Variants in PATL2 observed in about 807,000 individuals in gnomAD.
PATL2 encodes the protein PAT1 homolog 2.
Under a neutral mutation model 77.0 loss-of-function variants are expected in PATL2, and 73 were observed. That is an observed-to-expected ratio of 0.95 (90% CI 0.78 to 1.15). The LOEUF (loss-of-function observed/expected upper bound fraction) is 1.15, where lower values mean the gene tolerates loss of function less well. Ranked by LOEUF, PATL2 falls within the 50% of genes most tolerant of loss-of-function variation. PATL2 has a pLI of 0.00. For synonymous variants in PATL2, 265 were observed against 257.1 expected (o/e 1.03, Z -0.29); for missense variants, 618 against 655.4 (o/e 0.94, Z 0.62).
At chr15:44,671,915 A>G (rs911620582) in intron 9 of PATL2, 100 bp downstream of exon 9, 21 of 1,422,410 alleles carry the variant, frequency 1.5e-5, no homozygotes, top group Non-Finnish European at 1.9e-5. Context: ...ACCTGAACAG[A>G]CATGACCTCT....
chr15:44,675,573 A>ATCCTCCTCGTCC lies in PATL2; in HGVS notation c.123_134dup (p.Glu41_Glu44dup). 6.4e-7 allele frequency: 1 copy of ATCCTCCTCGTCC among 1,551,794 alleles called. No individual in the cohort carries two copies. The highest frequency in any genetic ancestry group is 8.7e-7 in the Non-Finnish European group (1 of 1,147,004). ...GGTCTGGGTCCAGATCTGGGTCCAG[A>ATCCTCCTCGTCC]TCCTCCTCGTCCTCCTCCTCTTCCT... is the stretch of plus-strand genomic sequence containing the variant. On this transcript the variant is annotated inframe_insertion, in exon 5 of 18. Coordinates refer to ENST00000682850, the MANE Select transcript of PATL2 (RefSeq NM_001387263.1).
chr15:44,667,043 C>T, intron 16 of PATL2, 63 bp downstream of exon 16: 2 of 1,285,752 alleles, frequency 1.6e-6, no homozygotes, highest in South Asian at 2.6e-5. Context: ...AAATACTTCA[C>T]CTGGCTCAGT....
At chr15:44,697,759 G>A (rs1461903387) in intron 3 of PATL2, among the ~76,000 whole-genome samples, 1 of 152,140 alleles carries the variant, frequency 6.6e-6, no homozygotes, top group Non-Finnish European at 1.5e-5. Context: ...GAATCCACTA[G>A]ACCAAGATTT....
At chr15:44,693,754 G>A (rs1034554146) in intron 3 of PATL2, among the ~76,000 whole-genome samples, 23 of 151,506 alleles carry the variant, frequency 1.5e-4, no homozygotes, top group East Asian at 1.4e-3. Context: ...GTGCAATGGC[G>A]TGATCTTGGC....
In PATL2 at chr15:44,669,848, G is replaced by A; in HGVS notation, c.805C>T (p.Gln269Ter). Reference sequence around the variant, plus strand: ...CTGAAGCATGTCGACACAGCTACCTGGCCCAGGGAACCCTCGATTCGGACC... The same window carrying A: ...CTGAAGCATGTCGACACAGCTACCTAGCCCAGGGAACCCTCGATTCGGACC... ...SVVRIEGSLGQVAVSTCFSPR... is the reference protein window; with the variant it reads ...SVVRIEGSLG The change falls in exon 11 of 18, where the codon CAG (glutamine) becomes TAG (stop). Residue 269 changes from glutamine (Q) to a stop codon, truncating the protein, a stop_gained. Transcript: ENST00000682850. LOFTEE classifies it high-confidence loss of function. 6.4e-7 allele frequency: 1 copy of A among 1,551,586 alleles called. No individual in the cohort carries two copies.
chr15:44,711,105 C>T lies in PATL2; in HGVS notation c.-339G>A, dbSNP rs762218809. The stretch of plus-strand genomic sequence containing the variant: ...CTTCTGCTAGGTAGCATTCAAAGAT[C>T]TTAATCTTCTGGGTTTCCGTTTTCT... On this transcript the variant is annotated 5_prime_UTR_variant, in exon 1 of 18. Transcript: ENST00000682850. 19 of 315,862 alleles carry T rather than the reference C, an allele frequency of 6.0e-5. No homozygotes were observed. Among genetic ancestry groups the T allele is most frequent in the African/African-American group, 3.9e-4 (18 of 46,674 alleles). 19.6% of individuals were successfully genotyped at this position (315,862 alleles called of 1,614,324 possible). A position where few individuals can be genotyped will look rare whatever the true frequency, so the allele number is the denominator to read the frequency against.
chr15:44,681,950 G>T (rs993372414), intron 3 of PATL2, among the ~76,000 whole-genome samples: 1 of 152,184 alleles, frequency 6.6e-6, no homozygotes, highest in African/African-American at 2.4e-5. Flanking sequence ...GCTGCATGGA[G>T]AAATTAGGGT....
chr15:44,706,377 C>A (rs913654001), intron 3 of PATL2, among the ~76,000 whole-genome samples: 2 of 152,192 alleles, frequency 1.3e-5, no homozygotes, highest in African/African-American at 2.4e-5. Context: ...TTAGAGGGCA[C>A]ACCAAGCACA....
intron 14 of PATL2, 27 bp downstream of exon 14, chr15:44,668,953 C>T (rs1242575450): frequency 4.0e-6 from 6 of 1,504,522 alleles, no homozygotes; most frequent in Non-Finnish European, 5.4e-6. Flanking sequence ...AGGAGACCAT[C>T]CTCTTCTCCA....
chr15:44,667,015 A>T, intron 16 of PATL2, 91 bp downstream of exon 16: 1 of 1,007,106 alleles, frequency 9.9e-7, no homozygotes. Context: ...CTTCCTCAGT[A>T]CTTGAAAATG....
chr15:44,709,145 C>G (rs183928493), intron 3 of PATL2, among the ~76,000 whole-genome samples: 5 of 152,222 alleles, frequency 3.3e-5, no homozygotes, highest in Admixed American at 2.6e-4. Flanking sequence ...GTGATCTGCC[C>G]GCCTTGACCT....
In PATL2 at chr15:44,667,322, A is replaced by C. The variant is rs576033770; in HGVS notation, c.1366-119T>G. On this transcript the variant is annotated intron_variant, in intron 15 of 17. Coordinates refer to ENST00000682850, the MANE Select transcript of PATL2 (RefSeq NM_001387263.1). Reference sequence around the variant, plus strand: ...TTCACATTTAGAGATAGAGCTCAAAATATCCACAAGTGCTGTCAGGTTTTA... The same window carrying C: ...TTCACATTTAGAGATAGAGCTCAAACTATCCACAAGTGCTGTCAGGTTTTA... The C allele has an allele frequency of 4.6e-3, 3,359 of 736,646 alleles. 10 individuals are homozygous for C. The highest frequency in any genetic ancestry group is 6.2e-3 in the Non-Finnish European group (2,728 of 439,626). The allele number at this position is 736,646 out of a possible 1,614,324, so 45.6% of individuals were successfully genotyped here.
intron 3 of PATL2, among the ~76,000 whole-genome samples, chr15:44,691,722 C>T (rs2086396703): frequency 6.6e-6 from 1 of 151,524 alleles, no homozygotes; most frequent in Non-Finnish European, 1.5e-5. Context: ...GGCACGGTGG[C>T]ACACACCTGT....
At chr15:44,696,060 AAG>A (rs1217467533) in intron 3 of PATL2, among the ~76,000 whole-genome samples, 1 of 152,240 alleles carries the variant, frequency 6.6e-6, no homozygotes, top group Non-Finnish European at 1.5e-5. Context: ...AAAAGGGAAA[AAG>A]AATATTTGGA....
intron 3 of PATL2, among the ~76,000 whole-genome samples, chr15:44,683,728 T>C (rs1039407827): frequency 2.0e-5 from 3 of 152,174 alleles, no homozygotes; most frequent in African/African-American, 7.2e-5. Context: ...TCTCCCAGCA[T>C]AGTGCTCAAG....
intron 3 of PATL2, chr15:44,676,977 A>ATGGGTGAGC: frequency 2.2e-6 from 2 of 925,766 alleles, no homozygotes; most frequent in Non-Finnish European, 2.6e-6. Flanking sequence ...TCACCCATTA[A>ATGGGTGAGC]AGGGCTAGCA....
intron 3 of PATL2, among the ~76,000 whole-genome samples, chr15:44,695,559 A>T (rs2086486231): frequency 6.6e-6 from 1 of 152,178 alleles, no homozygotes. Context: ...CATAAATCAG[A>T]CACTGCCTCC....
rs141749099 is a variant in PATL2 at position 44,710,664 on chromosome 15, A to C, written c.-195+207T>G. On this transcript the variant is annotated intron_variant, in intron 2 of 17. Transcript: ENST00000682850. ...CTACAGTTTATTTATATATTCACTA[A>C]TTCATTCATTCATCCATCCATTCGT... Among the ~76,000 whole-genome samples the C allele has an allele frequency of 7.4e-3, 1,131 of 152,236 alleles. 12 individuals are homozygous for C. The highest frequency in any genetic ancestry group is 0.031 in the Middle Eastern group (9 of 294).
intron 3 of PATL2, among the ~76,000 whole-genome samples, chr15:44,696,775 A>G (rs1478254222): frequency 1.3e-5 from 2 of 152,094 alleles, no homozygotes; most frequent in African/African-American, 4.8e-5. Flanking sequence ...CCTGTTGCCC[A>G]TTATGTAACA....
Sources: allele counts gnomAD v4.1 joint callset (sites outside exome capture counted in the v4.1 genomes callset), GRCh38; gene constraint gnomAD v4.1.1; transcripts MANE v1.5; gene names NCBI Gene and HGNC (gene_info 2026-07-23, HGNC 2026-07-21).